ZSCAN12: variants seen among roughly 807,000 people sequenced by gnomAD.
ZSCAN12 encodes the protein zinc finger and SCAN domain-containing protein 12.
ZSCAN12 carries 18 observed loss-of-function variants against 23.4 expected under a neutral mutation model. The observed-to-expected ratio is 0.77, with a 90% CI of 0.53 to 1.14. ZSCAN12 has a LOEUF of 1.14. Ranked by LOEUF, ZSCAN12 falls within the 50% of genes most tolerant of loss-of-function variation. The pLI, the probability that ZSCAN12 is intolerant of heterozygous loss-of-function variation, is 0.00. For missense variants in ZSCAN12, 650 were observed against 735.0 expected, an observed-to-expected ratio of 0.88 and a Z score of 1.34; for synonymous variants, 186 against 253.4, an observed-to-expected ratio of 0.73 and a Z score of 2.53.
chr6:28,383,399 G>A (rs1760380966), downstream of ZSCAN12, among the ~76,000 whole-genome samples: 2 of 152,186 alleles, frequency 1.3e-5, no homozygotes, highest in African/African-American at 4.8e-5. Flanking sequence ...ACAAAGGCCA[G>A]AAAGGTCGGT....
chr6:28,382,314 C>A, downstream of ZSCAN12: 1 of 990,488 alleles, frequency 1.0e-6, no homozygotes, highest in Non-Finnish European at 1.4e-6. Context: ...CTGTGAAGTC[C>A]AAGTGGCTTT....
Position 28,391,211 on chromosome 6 carries a change from C to T in ZSCAN12, c.1079G>A (p.Cys360Tyr). Reference sequence around the variant, plus strand: ...ACTAAAGGCTTTGCCACAGTCATTACAGTGATAGTGTTTTTCTCCTGTGTG... The same window carrying T: ...ACTAAAGGCTTTGCCACAGTCATTATAGTGATAGTGTTTTTCTCCTGTGTG... ...RLHTGEKHYH[C>Y]NDCGKAFSQK... The change falls in exon 4 of 4, where the codon TGT becomes TAT. Residue 360 changes from cysteine (C) to tyrosine (Y), a missense_variant. Coordinates refer to ENST00000684592, the MANE Select transcript of ZSCAN12 (RefSeq NM_001163391.2). The surrounding 1 kb of genome is among the most constrained non-coding windows in gnomAD (Gnocchi z 4.1). 6.4e-7 allele frequency: 1 copy of T among 1,551,904 alleles called. No individual in the cohort carries two copies. Among genetic ancestry groups the T allele is most frequent in the Non-Finnish European group, 8.7e-7 (1 of 1,147,050 alleles).
chr6:28,380,643 A>G (rs553481888), downstream of ZSCAN12: 1 of 153,734 alleles, frequency 6.5e-6, no homozygotes. Context: ...TCCACTATAA[A>G]CAAAAGCCTT....
chr6:28,399,118 T>C lies in ZSCAN12; in HGVS notation c.-69+539A>G, dbSNP rs531857173. On this transcript the variant is annotated intron_variant, in intron 1 of 3. Transcript: ENST00000684592. ...ATAATAACAAAAGGTTAGGACATCC[T>C]TGATTAGTTACTTTTATCTTTTGAA... Among the ~76,000 whole-genome samples the C allele has an allele frequency of 1.1e-4, 16 of 152,318 alleles. No individual in the cohort carries two copies. The South Asian group carries it at 2.9e-3, about 28-fold the overall frequency.
Position 28,398,303 on chromosome 6 carries a change from G to C in ZSCAN12, c.103C>G (p.Arg35Gly). 6.3e-7 allele frequency: 1 copy of C among 1,585,472 alleles called. No individual in the cohort carries two copies. The highest frequency in any genetic ancestry group is 2.3e-5 in the East Asian group (1 of 43,532). ...KYTTRQDWDLRKNNTHSREVF... is the reference protein window; with the variant it reads ...KYTTRQDWDLGKNNTHSREVF... The stretch of plus-strand genomic sequence containing the variant: ...TCTCTGCTATGGGTGTTGTTTTTAC[G>C]CAGGTCCCAATCCTGTCTGGTGGTA... The change falls in exon 2 of 4, where the codon CGT becomes GGT. Residue 35 changes from arginine to glycine, a missense_variant. Physicochemically the swap from Arg to Gly is moderately radical, Grantham distance 125. Coordinates refer to ENST00000684592, the MANE Select transcript of ZSCAN12 (RefSeq NM_001163391.2).
chr6:28,382,603 C>G, downstream of ZSCAN12: 1 of 1,551,408 alleles, frequency 6.4e-7, no homozygotes, highest in Non-Finnish European at 8.7e-7. Flanking sequence ...TGTAGCTGGT[C>G]TTCTTCCTGA....
In ZSCAN12 at chr6:28,390,432, T is replaced by G; in HGVS notation, c.*22A>C. 2,421 of 1,471,952 alleles carry G rather than the reference T, an allele frequency of 1.6e-3. No individual in the cohort carries two copies. Among genetic ancestry groups the G allele is most frequent in the Non-Finnish European group, 2.0e-3 (2,207 of 1,098,456 alleles). 91.2% of individuals were successfully genotyped at this position (1,471,952 alleles called of 1,614,324 possible). ...GTATTTCTCACCGGCCTGAACTCTG[T>G]GAGATAACTTCCCTGTAGTCATCAC... On this transcript the variant is annotated 3_prime_UTR_variant, in exon 4 of 4. Transcript: ENST00000684592.
Position 28,390,687 on chromosome 6 carries a change from G to T in ZSCAN12, c.1603C>A (p.Arg535=), listed in dbSNP as rs759075885. 1.9e-6 allele frequency: 3 copies of T among 1,612,222 alleles called. No individual in the cohort carries two copies. Among genetic ancestry groups the T allele is most frequent in the Non-Finnish European group, 2.5e-6 (3 of 1,179,380 alleles). The change falls in exon 4 of 4, where the codon CGA becomes AGA. Residue 535 remains arginine (R), a synonymous_variant. Coordinates refer to ENST00000684592, the MANE Select transcript of ZSCAN12 (RefSeq NM_001163391.2). ...TGCTGAATGAGGCTGGTGATTCCTC[G>T]GAAGGCATTCCCACACTCATCACAC... The part of the protein sequence containing the change: ...YKCDECGNAF[R]GITSLIQHQR...
chr6:28,390,743 T>C lies in ZSCAN12; in HGVS notation c.1547A>G (p.Gln516Arg). 1 of 1,611,056 alleles carries C rather than the reference T, an allele frequency of 6.2e-7. No individual in the cohort carries two copies. ...FTQRSVLTEH[Q>R]RIHTGERPYK... ...GGGCCTCTCTCCAGTGTGGATTCTC[T>C]GATGTTCCGTGAGGACTGATCTTTG... Residue 516 changes from glutamine to arginine, a missense_variant, in exon 4 of 4, where the codon CAG becomes CGG. Gln to Arg is a conservative substitution (Grantham distance 43). Coordinates refer to ENST00000684592, the MANE Select transcript of ZSCAN12 (RefSeq NM_001163391.2).
At chr6:28,381,275 T>A (rs1158233523), downstream of ZSCAN12, 1 of 152,256 alleles carries the variant, frequency 6.6e-6, no homozygotes, top group Non-Finnish European at 1.5e-5. Flanking sequence ...GTATCTTGGC[T>A]ACTACTATAA....
downstream of ZSCAN12, chr6:28,381,354 T>C (rs1760227255): frequency 6.6e-6 from 1 of 152,198 alleles, no homozygotes; most frequent in Admixed American, 6.5e-5. Flanking sequence ...CAAAGTTAAC[T>C]TGAAACAATA....
Position 28,392,896 on chromosome 6 carries a change from C to T in ZSCAN12, c.547+6G>A. The T allele has an allele frequency of 6.4e-7, 1 of 1,552,026 alleles. No individual in the cohort carries two copies. Among genetic ancestry groups the T allele is most frequent in the Non-Finnish European group, 8.7e-7 (1 of 1,147,044 alleles). ...CTTCCTCCCAAGATGGGTCTTTCTT[C>T]TTTACCTTGCTCCTGTTGGGATTCA... On this transcript the variant is annotated splice_donor_region_variant and intron_variant, in intron 3 of 3. Transcript: ENST00000684592.
In ZSCAN12 at chr6:28,391,143, C is replaced by G. The variant is rs1438993633; in HGVS notation, c.1147G>C (p.Asp383His). The change falls in exon 4 of 4, where the codon GAC (aspartate) becomes CAC (histidine). Residue 383 changes from aspartate (D) to histidine (H), a missense_variant. Coordinates refer to ENST00000684592, the MANE Select transcript of ZSCAN12 (RefSeq NM_001163391.2). This position sits in a 1 kb window ranked among gnomAD's most constrained non-coding sequence, Gnocchi z 4.1. Reference sequence around the variant, plus strand: ...CACTGAGTGCACTGATAAGGTTTGTCTCTTGTGTGGATCTTGATATGGTGA... The same window carrying G: ...CACTGAGTGCACTGATAAGGTTTGTGTCTTGTGTGGATCTTGATATGGTGA... ...LFHHIKIHTR[D>H]KPYQCTQCNK... 1.9e-6 allele frequency: 3 copies of G among 1,552,074 alleles called. No individual in the cohort carries two copies. Among genetic ancestry groups the G allele is most frequent in the African/African-American group, 1.4e-5 (1 of 73,132 alleles).
At position 28,391,933 on chromosome 6, in the gene ZSCAN12, T is replaced by C. The variant is rs575489425; in HGVS notation, c.548-191A>G. On this transcript the variant is annotated intron_variant, in intron 3 of 3. Transcript: ENST00000684592. The surrounding 1 kb of genome is among the most constrained non-coding windows in gnomAD (Gnocchi z 4.1). ...ATATCTGGAAGGACACACGAAAAATTAGTAACAGTTACAACCTATTTCAGA... is the reference window on the plus strand; with the variant it reads ...ATATCTGGAAGGACACACGAAAAATCAGTAACAGTTACAACCTATTTCAGA... Among the ~76,000 whole-genome samples the C allele has an allele frequency of 1.3e-5, 2 of 152,122 alleles. No individual in the cohort carries two copies. The highest frequency in any genetic ancestry group is 4.8e-5 in the African/African-American group (2 of 41,430).
At chr6:28,394,224 C>T (rs970718750) in intron 2 of ZSCAN12, among the ~76,000 whole-genome samples, 1 of 152,186 alleles carries the variant, frequency 6.6e-6, no homozygotes, top group African/African-American at 2.4e-5. Context: ...GGATTACTTA[C>T]TCTCTCTCTT....
At position 28,391,645 on chromosome 6, in the gene ZSCAN12, A is replaced by G. The variant is rs1324902989; in HGVS notation, c.645T>C (p.Asn215=). Residue 215 remains asparagine, a synonymous_variant, in exon 4 of 4, where the codon AAT becomes AAC. Transcript: ENST00000684592. The surrounding 1 kb of genome is among the most constrained non-coding windows in gnomAD (Gnocchi z 4.1). ...PHGKTSSKFE[N]DMSKSARCGE... ...CACACCTAGCAGACTTGGACATATC[A>G]TTTTCAAATTTACTGGATGTCTTCC... The G allele has an allele frequency of 1.3e-6, 2 of 1,551,684 alleles. No homozygotes were observed. The highest frequency in any genetic ancestry group is 4.9e-5 in the East Asian group (2 of 40,932).
downstream of ZSCAN12, chr6:28,381,273 G>C (rs1420102910): frequency 6.6e-6 from 1 of 152,166 alleles, no homozygotes. Flanking sequence ...AAGTATCTTG[G>C]CTACTACTAT....
chr6:28,392,240 T>C (rs9468366), intron 3 of ZSCAN12, among the ~76,000 whole-genome samples: 53,144 of 149,798 alleles, frequency 0.35, 10,110 homozygotes, highest in African/African-American at 0.5. Flanking sequence ...TGCAGTGGGG[T>C]GATGTCAGCT....
chr6:28,396,108 C>T (rs1761095164), intron 2 of ZSCAN12, among the ~76,000 whole-genome samples: 1 of 150,374 alleles, frequency 6.7e-6, no homozygotes, highest in Admixed American at 6.7e-5. Flanking sequence ...CAGCCTCGAT[C>T]TCCTGGGCTC....
Sources: gnomAD v4.1 joint callset for allele counts (sites outside exome capture counted in the v4.1 genomes callset) on GRCh38, gnomAD v4.1.1 for gene constraint, Gnocchi (gnomAD v3.1) non-coding constraint, MANE v1.5 for transcripts, NCBI Gene and HGNC (gene_info 2026-07-23, HGNC 2026-07-21) for gene names.